The following SLC39A5 variants were observed in gnomAD, a reference collection of about 807,000 sequenced individuals.
The protein encoded by SLC39A5 is solute carrier family 39 member 5.
A neutral mutation model predicts 46.9 loss-of-function variants in SLC39A5; 42 were observed. The observed-to-expected ratio is 0.90, with a 90% confidence interval of 0.70 to 1.16. The LOEUF (loss-of-function observed/expected upper bound fraction) is 1.16. Among genes scored for constraint, SLC39A5 ranks in the 50% most tolerant of loss-of-function variants. The pLI, the probability that SLC39A5 is intolerant of heterozygous loss-of-function variation, is 0.00. For missense variants in SLC39A5, 677 were observed against 686.8 expected (o/e 0.99, Z 0.16); for synonymous variants, 311 against 323.1 (o/e 0.96, Z 0.40).
At chr12:56,235,516 G>C (rs1307668734) in intron 7 of SLC39A5, 44 bp from the exon 8 acceptor site, 1 of 1,590,786 alleles carries the variant, frequency 6.3e-7, no homozygotes, top group Non-Finnish European at 8.5e-7. Flanking sequence ...GATGTTGTTG[G>C]GTATAGGGGC....
In SLC39A5 at chr12:56,232,735, C is replaced by T. The variant is rs1870347223; in HGVS notation, c.334C>T (p.Leu112=). The change falls in exon 5 of 13, where the codon CTG becomes TTG. Residue 112 remains leucine, a synonymous_variant. Coordinates refer to ENST00000454355, the MANE Select transcript of SLC39A5 (RefSeq NM_173596.3). Reference sequence around the variant, plus strand: ...TGTGGATGTCTGGGCAGGGATGCCTCTGGGTCCCTCAGGGTGGGGTGACCT... The same window carrying T: ...TGTGGATGTCTGGGCAGGGATGCCTTTGGGTCCCTCAGGGTGGGGTGACCT... ...LSVDVWAGMP[L]GPSGWGDLEE... is the part of the protein sequence containing the mutation. 3 of 1,612,352 alleles carry T rather than the reference C, an allele frequency of 1.9e-6. No homozygotes were observed. The highest frequency in any genetic ancestry group is 2.5e-6 in the Non-Finnish European group (3 of 1,179,360).
In SLC39A5 at chr12:56,231,416, G is replaced by T. The variant is rs755314570; in HGVS notation, c.142G>T (p.Gly48Cys). 2 of 1,614,140 alleles carry T rather than the reference G, an allele frequency of 1.2e-6. No individual in the cohort carries two copies. Among genetic ancestry groups the T allele is most frequent in the Admixed American group, 1.7e-5 (1 of 60,008 alleles). ...CCTGGCCCAGCTGTTTGGCCTGTAC[G>T]GCGAGAATGGGACGCTGACTGCAGG... ...HYLAQLFGLY[G>C]ENGTLTAGGL... is the part of the protein sequence containing the mutation. The change falls in exon 4 of 13, where the codon GGC becomes TGC. Residue 48 changes from glycine (G) to cysteine (C), a missense_variant. Gly to Cys is a radical substitution (Grantham distance 159). Transcript: ENST00000454355.
At chr12:56,231,084 A>G (rs1465137584) in intron 3 of SLC39A5, 120 bp from the exon 4 acceptor site, 2 of 572,930 alleles carry the variant, frequency 3.5e-6, no homozygotes, top group Non-Finnish European at 6.0e-6. Context: ...AGGGAGAAAG[A>G]AGGCTGCAGT....
chr12:56,232,966 T>C, intron 5 of SLC39A5, 94 bp downstream of exon 5: 2 of 1,348,622 alleles, frequency 1.5e-6, no homozygotes, highest in Non-Finnish European at 2.0e-6. Flanking sequence ...GTTTTGTTTT[T>C]AAATCCCAAC....
chr12:56,234,154 A>AT (rs1870495804), intron 5 of SLC39A5, among the ~76,000 whole-genome samples: 2 of 151,564 alleles, frequency 1.3e-5, no homozygotes, highest in African/African-American at 4.9e-5. Context: ...ATATATATAT[A>AT]TATATTTTTT....
Position 56,230,081 on chromosome 12 carries a change from T to G in SLC39A5, c.-212T>G, listed in dbSNP as rs559959756. 7.3e-6 allele frequency: 1 copy of G among 136,448 alleles called. No individual in the cohort carries two copies. The highest frequency in any genetic ancestry group is 2.6e-5 in the African/African-American group (1 of 38,514). 8.5% of individuals were successfully genotyped at this position (136,448 alleles called of 1,614,324 possible). A position where few individuals can be genotyped will look rare whatever the true frequency, so the allele number is the denominator to read the frequency against. ...CCCCCCCAGCTGGAACCAAGAAGGT[T>G]GTGTCCCCCTTCCTCTGGGTGTCCT... On this transcript the variant is annotated 5_prime_UTR_variant, in exon 1 of 13. Coordinates refer to ENST00000454355, the MANE Select transcript of SLC39A5 (RefSeq NM_173596.3).
chr12:56,236,310 T>C, intron 8 of SLC39A5, 86 bp from the exon 9 acceptor site: 1 of 1,245,076 alleles, frequency 8.0e-7, no homozygotes. Context: ...GAACCAGGTG[T>C]TCATCTTCCC....
At chr12:56,232,161 CTTTTTT>C (rs767220492) in intron 4 of SLC39A5, among the ~76,000 whole-genome samples, 5 of 117,224 alleles carry the variant, frequency 4.3e-5, no homozygotes, top group African/African-American at 9.7e-5. Context: ...CTTTTCTTTT[CTTTTTT>C]TTTTTTTTTT....
intron 8 of SLC39A5, chr12:56,235,924 T>A: frequency 1.8e-6 from 1 of 544,266 alleles, no homozygotes; most frequent in Non-Finnish European, 3.2e-6. Flanking sequence ...GTGTCTGTAA[T>A]CCCAGCTACT....
rs751714685 is a variant in SLC39A5 at position 56,237,603 on chromosome 12, C to T, written c.1495C>T (p.Arg499Cys). 9.9e-6 allele frequency: 16 copies of T among 1,613,632 alleles called. No homozygotes were observed. The highest frequency in any genetic ancestry group is 2.2e-5 in the East Asian group (1 of 44,884). The change falls in exon 13 of 13, where the codon CGT becomes TGT. Residue 499 changes from arginine to cysteine, a missense_variant. Coordinates refer to ENST00000454355, the MANE Select transcript of SLC39A5 (RefSeq NM_173596.3). ...TTTCTTTCAGCTACCAGCCCTGCTT[C>T]GTCCTCCGGAGCCCCTGCCTACGCC... ...ALVDMLPALLRPPEPLPTPHV... is the reference protein window; with the variant it reads ...ALVDMLPALLCPPEPLPTPHV...
chr12:56,235,491 CA>C, intron 7 of SLC39A5, 68 bp from the exon 8 acceptor site: 1 of 1,561,854 alleles, frequency 6.4e-7, no homozygotes, highest in Non-Finnish European at 8.6e-7. Context: ...AGGCTTGCCA[CA>C]ATCCATGCAA....
intron 11 of SLC39A5, 22 bp downstream of exon 11, chr12:56,237,033 TG>T (rs1565602953): frequency 6.2e-7 from 1 of 1,613,376 alleles, no homozygotes; most frequent in South Asian, 1.1e-5. Context: ...AGGAGCAGGG[TG>T]GGGTGGACTC....
At chr12:56,233,771 T>C (rs1402305577) in intron 5 of SLC39A5, among the ~76,000 whole-genome samples, 1 of 152,164 alleles carries the variant, frequency 6.6e-6, no homozygotes, top group Non-Finnish European at 1.5e-5. Flanking sequence ...GTCCAGTGAG[T>C]GCCCATTGCA....
At position 56,231,150 on chromosome 12, in the gene SLC39A5, T is replaced by A. The variant is rs1027845748; in HGVS notation, c.-71-54T>A. ...GGTGCAAGGAGCTCTGGCTCCCCCATGGACCTGAGCTGGAGAGCAGAGCGC... is the reference window on the plus strand; with the variant it reads ...GGTGCAAGGAGCTCTGGCTCCCCCAAGGACCTGAGCTGGAGAGCAGAGCGC... On this transcript the variant is annotated intron_variant, in intron 3 of 12. Transcript: ENST00000454355. The A allele has an allele frequency of 4.1e-5, 45 of 1,101,208 alleles. No homozygotes were observed. In the South Asian group the frequency reaches 4.7e-4, roughly 11 times the overall value. The allele number at this position is 1,101,208 out of a possible 1,614,324, so 68.2% of individuals were successfully genotyped here.
In SLC39A5 at chr12:56,231,357, A is replaced by G; in HGVS notation, c.83A>G (p.Asn28Ser). 1 of 1,613,878 alleles carries G rather than the reference A, an allele frequency of 6.2e-7. No homozygotes were observed. Among genetic ancestry groups the G allele is most frequent in the Middle Eastern group, 1.6e-4 (1 of 6,062 alleles). ...VLGWVGGSVP[N>S]LGPAEQEQNH... is the part of the protein sequence containing the mutation. Reference sequence around the variant, plus strand: ...GGCTGGGTAGGGGGCTCAGTCCCCAACCTGGGCCCTGCTGAGCAGGAGCAG... The same window carrying G: ...GGCTGGGTAGGGGGCTCAGTCCCCAGCCTGGGCCCTGCTGAGCAGGAGCAG... The change falls in exon 4 of 13, where the codon AAC becomes AGC. Residue 28 changes from asparagine (N) to serine (S), a missense_variant. Coordinates refer to ENST00000454355, the MANE Select transcript of SLC39A5 (RefSeq NM_173596.3).
intron 10 of SLC39A5, 65 bp downstream of exon 10, chr12:56,236,811 G>A (rs1173848351): frequency 3.2e-6 from 5 of 1,574,542 alleles, no homozygotes; most frequent in African/African-American, 1.4e-5. Flanking sequence ...GTTATCAGCT[G>A]GGGCTAGGAG....
chr12:56,232,634 A>G, intron 4 of SLC39A5, 55 bp from the exon 5 acceptor site: 2 of 1,491,750 alleles, frequency 1.3e-6, no homozygotes, highest in Middle Eastern at 2.3e-4. Flanking sequence ...GAGCCTCTCA[A>G]AGCGGGTTGA....
In SLC39A5 at chr12:56,237,215, T is replaced by C; in HGVS notation, c.1354T>C (p.Ser452Pro). 1 of 1,613,742 alleles carries C rather than the reference T, an allele frequency of 6.2e-7. No individual in the cohort carries two copies. The highest frequency in any genetic ancestry group is 8.5e-7 in the Non-Finnish European group (1 of 1,179,940). The change falls in exon 12 of 13, where the codon TCT (serine) becomes CCT (proline). Residue 452 changes from serine to proline, a missense_variant. Physicochemically the swap from Ser to Pro is moderately conservative, Grantham distance 74. Coordinates refer to ENST00000454355, the MANE Select transcript of SLC39A5 (RefSeq NM_173596.3). ...FRRLLLLSLV[S>P]GALGLGGAVL... The stretch of plus-strand genomic sequence containing the variant: ...GCGGCTGCTGCTGCTGAGCCTCGTG[T>C]CTGGAGCCCTGGGATTGGGGGGTGC...
rs200243350 is a variant in SLC39A5, at chr12:56,231,240, C to T, written c.-35C>T. 388 of 1,552,352 alleles carry T rather than the reference C, an allele frequency of 2.5e-4. 4 individuals carry two copies. In the East Asian group the frequency reaches 7.7e-3, roughly 31 times the overall value. The stretch of plus-strand genomic sequence containing the variant: ...CAGGATGTTTCGGGGAGAATAGGAG[C>T]CAGAACCTGAGCCCCTAAGCTATTC... On this transcript the variant is annotated 5_prime_UTR_variant, in exon 4 of 13. Coordinates refer to ENST00000454355, the MANE Select transcript of SLC39A5 (RefSeq NM_173596.3).
Sources: gnomAD v4.1 joint callset for allele counts (sites outside exome capture counted in the v4.1 genomes callset) on GRCh38, gnomAD v4.1.1 for gene constraint, MANE v1.5 for transcripts, NCBI Gene and HGNC (gene_info 2026-07-23, HGNC 2026-07-21) for gene names.